ANK3: variants seen among roughly 807,000 people sequenced by gnomAD.
The protein encoded by ANK3 is ankyrin-3.
ANK3 carries 57 observed loss-of-function variants against 370.9 expected under a neutral mutation model. That is an observed-to-expected ratio of 0.15 (90% CI 0.12 to 0.19). ANK3 has a LOEUF of 0.19. ANK3 is among the 10% of genes least tolerant of loss of function. The pLI is 1.00. For missense variants in ANK3, 4,439 were observed against 5,302.1 expected, an observed-to-expected ratio of 0.84 and a Z score of 5.06; for synonymous variants, 1,929 against 1,946.3, an observed-to-expected ratio of 0.99 and a Z score of 0.23.
chr10:60,541,619 C>G (rs2076851122), intron 2 of ANK3, among the ~76,000 whole-genome samples: 1 of 151,898 alleles, frequency 6.6e-6, no homozygotes, highest in African/African-American at 2.4e-5. Context: ...AGCTTTCACT[C>G]AACTCCCTTT....
chr10:60,166,453 T>G (rs1396071355), intron 23 of ANK3, 138 bp downstream of exon 23: 1 of 686,316 alleles, frequency 1.5e-6, no homozygotes, highest in Admixed American at 2.8e-5. Flanking sequence ...TATACATTAT[T>G]TAAATAATAC....
chr10:60,033,298 T>A (rs1398702544), intron 43 of ANK3, among the ~76,000 whole-genome samples: 3 of 152,020 alleles, frequency 2.0e-5, no homozygotes, highest in Non-Finnish European at 4.4e-5. Context: ...GCGGATCACC[T>A]GAGATCAGGA....
intron 1 of ANK3, among the ~76,000 whole-genome samples, chr10:60,301,709 A>T (rs1010058405): frequency 1.3e-5 from 2 of 152,004 alleles, no homozygotes; most frequent in Admixed American, 6.6e-5. Flanking sequence ...GAGCCACTGT[A>T]CCCGGCCCAG....
intron 2 of ANK3, among the ~76,000 whole-genome samples, chr10:60,477,101 A>G (rs1036048176): frequency 1.3e-5 from 2 of 152,182 alleles, no homozygotes; most frequent in East Asian, 1.9e-4. Flanking sequence ...ACAGGAAATT[A>G]CTGCTTAAAA....
At chr10:60,380,169 G>C (rs1381727702) in intron 1 of ANK3, among the ~76,000 whole-genome samples, 2 of 152,098 alleles carry the variant, frequency 1.3e-5, no homozygotes, top group Non-Finnish European at 2.9e-5. Context: ...ATTTGAAGTT[G>C]AGTCAATTTA....
chr10:60,137,300 G>A (rs1463521851), intron 24 of ANK3: 3 of 315,980 alleles, frequency 9.5e-6, no homozygotes, highest in South Asian at 2.8e-5. Context: ...CATGAGCCAG[G>A]AGAAGGAAGA....
intron 8 of ANK3, among the ~76,000 whole-genome samples, chr10:60,226,845 A>G (rs1259863245): frequency 6.7e-6 from 1 of 149,956 alleles, no homozygotes; most frequent in Non-Finnish European, 1.5e-5. Context: ...TGTTAGTTTT[A>G]TCTTTTGTGC....
chr10:60,546,725 A>G (rs559851167), intron 2 of ANK3, among the ~76,000 whole-genome samples: 2 of 152,326 alleles, frequency 1.3e-5, no homozygotes, highest in East Asian at 1.9e-4. Context: ...GAAAAACAAT[A>G]ATTACATTAA....
intron 2 of ANK3, among the ~76,000 whole-genome samples, chr10:60,478,045 T>G (rs965855565): frequency 4.6e-5 from 7 of 152,064 alleles, no homozygotes; most frequent in Admixed American, 6.6e-5. Flanking sequence ...AATGAGAAAT[T>G]AAATGCCAGT....
rs575874030 is a variant in ANK3, at chr10:60,534,189, G to A, written c.96+80997C>T. ...GACCTCTGTGGTTCCCCAAATTCAC[G>A]GATCCCTCTAGCACATAATTTCCTT... On this transcript the variant is annotated intron_variant, in intron 2 of 43. Transcript: ENST00000373827. 3.9e-5 allele frequency among the ~76,000 whole-genome samples: 6 copies of A among 152,166 alleles called. No individual in the cohort carries two copies. In the South Asian group the frequency reaches 6.2e-4, roughly 16 times the overall value.
intron 1 of ANK3, among the ~76,000 whole-genome samples, chr10:60,348,781 T>C (rs1011151546): frequency 6.6e-6 from 1 of 152,164 alleles, no homozygotes; most frequent in African/African-American, 2.4e-5. Flanking sequence ...ACACAAGAAA[T>C]CAATTTATAG....
chr10:60,098,582 G>C (rs1243166519), intron 28 of ANK3, among the ~76,000 whole-genome samples: 1 of 151,436 alleles, frequency 6.6e-6, no homozygotes, highest in African/African-American at 2.5e-5. Context: ...GTTCACATAA[G>C]ATGTTATAGG....
intron 2 of ANK3, among the ~76,000 whole-genome samples, chr10:60,462,503 AT>A (rs2064909954): frequency 6.6e-6 from 1 of 151,844 alleles, no homozygotes; most frequent in South Asian, 2.1e-4. Context: ...TCATTTCTCC[AT>A]TTTAGTCTTG....
chr10:60,693,091 G>A (rs891305311), intron 1 of ANK3, among the ~76,000 whole-genome samples: 2 of 152,250 alleles, frequency 1.3e-5, no homozygotes, highest in African/African-American at 4.8e-5. Flanking sequence ...CCTCACTCGG[G>A]AAGCGCAAGG....
chr10:60,419,486 T>A (rs533482087), intron 2 of ANK3, among the ~76,000 whole-genome samples: 5 of 152,282 alleles, frequency 3.3e-5, no homozygotes, highest in African/African-American at 1.2e-4. Flanking sequence ...CCTCCTGGGC[T>A]GGCAGAAAAA....
At chr10:60,410,538 C>A (rs2063537932) in intron 2 of ANK3, among the ~76,000 whole-genome samples, 2 of 152,170 alleles carry the variant, frequency 1.3e-5, no homozygotes, top group Admixed American at 6.5e-5. Context: ...GTTGGTGTAG[C>A]AGAGACTGGC....
rs79580487 is a variant in ANK3 at position 60,667,319 on chromosome 10, T to G, written c.58-52095A>C. On this transcript the variant is annotated intron_variant, in intron 1 of 43. Transcript: ENST00000373827. ...AATCCCCCATTTCCTACTAAGAGAA[T>G]GTAGAAAGGCCCACTCTTAAAAGTC... Among the ~76,000 whole-genome samples the G allele has an allele frequency of 3.2e-3, 478 of 151,204 alleles. 4 individuals are homozygous for G. Among genetic ancestry groups the G allele is most frequent in the African/African-American group, 0.011 (453 of 41,412 alleles).
intron 23 of ANK3, chr10:60,139,574 A>C (rs1200808179): frequency 1.3e-5 from 2 of 154,120 alleles, no homozygotes; most frequent in Admixed American, 6.5e-5. Context: ...TTTGGGGCTT[A>C]AGTAAGAAAC....
At chr10:60,146,635 C>T (rs2094839792) in intron 23 of ANK3, among the ~76,000 whole-genome samples, 1 of 152,082 alleles carries the variant, frequency 6.6e-6, no homozygotes. Context: ...ATTACAGGCA[C>T]CCGCCACCAA....
Sources: allele counts gnomAD v4.1 joint callset (sites outside exome capture counted in the v4.1 genomes callset), GRCh38; gene constraint gnomAD v4.1.1; transcripts MANE v1.5; gene names NCBI Gene and HGNC (gene_info 2026-07-23, HGNC 2026-07-21).